Variants in GIGYF2 observed in about 807,000 individuals in gnomAD.
GIGYF2 encodes the protein GRB10-interacting GYF protein 2.
In GIGYF2, 25 loss-of-function variants were observed where a neutral mutation model predicts 208.1. The observed-to-expected ratio is 0.12, with a 90% CI of 0.09 to 0.17. GIGYF2 has a LOEUF of 0.17. GIGYF2 is among the 10% of genes least tolerant of loss of function. GIGYF2 has a pLI of 1.00. For synonymous variants in GIGYF2, 534 were observed against 543.8 expected, an observed-to-expected ratio of 0.98 and a Z score of 0.25; for missense variants, 1,302 against 1,579.4, an observed-to-expected ratio of 0.82 and a Z score of 2.98.
intron 21 of GIGYF2, among the ~76,000 whole-genome samples, chr2:232,831,949 C>A (rs1216618994): frequency 6.6e-6 from 1 of 152,098 alleles, no homozygotes; most frequent in East Asian, 1.9e-4. Context: ...AAAGCAAAAT[C>A]TGACATTTTA....
intron 8 of GIGYF2, among the ~76,000 whole-genome samples, chr2:232,773,178 T>C (rs1422184808): frequency 6.6e-6 from 1 of 152,204 alleles, no homozygotes; most frequent in Non-Finnish European, 1.5e-5. Context: ...GTGTATTCTT[T>C]TTTCTTGGCA....
chr2:232,847,477 A>T lies in GIGYF2; in HGVS notation c.3590A>T (p.Lys1197Ile). The T allele has an allele frequency of 6.2e-7, 1 of 1,613,272 alleles. No homozygotes were observed. Among genetic ancestry groups the T allele is most frequent in the Non-Finnish European group, 8.5e-7 (1 of 1,179,966 alleles). The change falls in exon 27 of 29, where the codon AAA (lysine) becomes ATA (isoleucine). Residue 1197 changes from lysine to isoleucine, a missense_variant. Coordinates refer to ENST00000373563, the MANE Select transcript of GIGYF2 (RefSeq NM_001103146.3). Reference sequence around the variant, plus strand: ...AAGCAGTTCCTTGAGCGCCGTGCCAAACAGAAAGCCAACCAGCAGCGTCAG... The same window carrying T: ...AAGCAGTTCCTTGAGCGCCGTGCCATACAGAAAGCCAACCAGCAGCGTCAG... ...FAKQFLERRA[K>I]QKANQQRQQQ...
At chr2:232,762,394 A>C (rs926250670) in intron 8 of GIGYF2, among the ~76,000 whole-genome samples, 3 of 151,864 alleles carry the variant, frequency 2.0e-5, no homozygotes, top group Non-Finnish European at 4.4e-5. Context: ...TTGGGACTAC[A>C]GGTGCGTGCC....
chr2:232,818,865 TC>T (rs36105939), intron 20 of GIGYF2, among the ~76,000 whole-genome samples: 2 of 152,204 alleles, frequency 1.3e-5, no homozygotes, highest in Admixed American at 6.5e-5. Context: ...GAGGGTTGTT[TC>T]CAGTTCTTCA....
chr2:232,734,131 A>T (rs1358543508), intron 2 of GIGYF2, among the ~76,000 whole-genome samples: 6 of 78,220 alleles, frequency 7.7e-5, no homozygotes, highest in African/African-American at 1.8e-4. Flanking sequence ...TTTTTTTTTT[A>T]AAGAGATGGA....
chr2:232,703,962 C>T (rs1479666193), intron 2 of GIGYF2, among the ~76,000 whole-genome samples: 1 of 152,208 alleles, frequency 6.6e-6, no homozygotes, highest in African/African-American at 2.4e-5. Flanking sequence ...AGCAAATGGC[C>T]ACTTAATTCT....
intron 14 of GIGYF2, among the ~76,000 whole-genome samples, chr2:232,804,592 A>G (rs1559445093): frequency 6.6e-6 from 1 of 151,966 alleles, no homozygotes; most frequent in Non-Finnish European, 1.5e-5. Flanking sequence ...CCCAGGTCCA[A>G]GCGATTCTCC....
chr2:232,712,734 A>G (rs1423072255), intron 2 of GIGYF2, among the ~76,000 whole-genome samples: 2 of 152,240 alleles, frequency 1.3e-5, no homozygotes, highest in Admixed American at 1.3e-4. Context: ...AGGTCCATAG[A>G]TTGTACTTTG....
intron 3 of GIGYF2, chr2:232,735,942 G>T: frequency 2.0e-6 from 2 of 984,124 alleles, no homozygotes; most frequent in Non-Finnish European, 2.4e-6. Flanking sequence ...AACCCCTTTG[G>T]TAATATCAGA....
chr2:232,796,428 T>C (rs2106369577), intron 14 of GIGYF2, among the ~76,000 whole-genome samples: 1 of 152,344 alleles, frequency 6.6e-6, no homozygotes, highest in African/African-American at 2.4e-5. Flanking sequence ...TACATACCAG[T>C]TGAGCATCCC....
intron 22 of GIGYF2, 132 bp from the exon 23 acceptor site, chr2:232,839,717 G>A (rs1701759432): frequency 2.1e-6 from 2 of 946,776 alleles, no homozygotes; most frequent in Middle Eastern, 2.2e-4. Flanking sequence ...AATGAAGAAG[G>A]AAATTTGAAT....
At chr2:232,729,784 T>C (rs1391662661) in intron 2 of GIGYF2, 2 of 750,700 alleles carry the variant, frequency 2.7e-6, no homozygotes, top group African/African-American at 3.4e-5. Flanking sequence ...GATGGAAGAC[T>C]TGGCAACGAG....
intron 18 of GIGYF2, among the ~76,000 whole-genome samples, chr2:232,813,201 T>C: frequency 6.7e-6 from 1 of 149,546 alleles, no homozygotes; most frequent in Non-Finnish European, 1.5e-5. Flanking sequence ...TTTTTTTTTT[T>C]TTTTTTGAGA....
intron 2 of GIGYF2, among the ~76,000 whole-genome samples, chr2:232,728,333 G>C (rs1198841561): frequency 6.6e-6 from 1 of 152,158 alleles, no homozygotes; most frequent in African/African-American, 2.4e-5. Context: ...TGATCAGAAA[G>C]GTGCCTTAGG....
At chr2:232,836,315 T>TAC in intron 22 of GIGYF2, among the ~76,000 whole-genome samples, 1 of 19,910 alleles carries the variant, frequency 5.0e-5, no homozygotes, top group Non-Finnish European at 1.1e-4. Context: ...TATATATATA[T>TAC]ATATATATAT....
chr2:232,762,065 C>T (rs909531164), intron 8 of GIGYF2, among the ~76,000 whole-genome samples: 9 of 151,434 alleles, frequency 5.9e-5, no homozygotes, highest in Admixed American at 2.0e-4. Context: ...ATTAAAGGTA[C>T]TACCTTACAA....
intron 2 of GIGYF2, among the ~76,000 whole-genome samples, chr2:232,716,720 A>G (rs569212542): frequency 1.3e-5 from 2 of 151,876 alleles, no homozygotes; most frequent in East Asian, 3.9e-4. Context: ...TTCTTTTCTA[A>G]TCGCAAAAAT....
At chr2:232,738,286 G>A (rs1697827147) in intron 3 of GIGYF2, among the ~76,000 whole-genome samples, 1 of 152,116 alleles carries the variant, frequency 6.6e-6, no homozygotes, top group Non-Finnish European at 1.5e-5. Flanking sequence ...GAATAAAAAA[G>A]TATATTGCAT....
At chr2:232,718,404 C>CT (rs2106268285) in intron 2 of GIGYF2, among the ~76,000 whole-genome samples, 1 of 152,234 alleles carries the variant, frequency 6.6e-6, no homozygotes, top group South Asian at 2.1e-4. Context: ...TGACTAGTTC[C>CT]TTTTTTTAAA....
Sources: gnomAD v4.1 joint callset for allele counts (sites outside exome capture counted in the v4.1 genomes callset) on GRCh38, gnomAD v4.1.1 for gene constraint, MANE v1.5 for transcripts, NCBI Gene and HGNC (gene_info 2026-07-23, HGNC 2026-07-21) for gene names.